The following SLC44A1 variants were observed in gnomAD, a reference collection of about 807,000 sequenced individuals.
The protein encoded by SLC44A1 is choline transporter-like protein 1.
In SLC44A1, 26 loss-of-function variants were observed where a neutral mutation model predicts 79.3. That is an observed-to-expected ratio of 0.33 (90% CI 0.24 to 0.46). The LOEUF is 0.46. SLC44A1 is among the 20% of genes least tolerant of loss of function. The pLI is 1.00. For synonymous variants in SLC44A1, 263 were observed against 286.2 expected, an observed-to-expected ratio of 0.92 and a Z score of 0.82; for missense variants, 688 against 798.1, an observed-to-expected ratio of 0.86 and a Z score of 1.66.
In SLC44A1 at chr9:105,365,596, C is replaced by G; in HGVS notation, c.1367C>G (p.Pro456Arg). The G allele has an allele frequency of 2.5e-6, 4 of 1,613,568 alleles. No homozygotes were observed. The highest frequency in any genetic ancestry group is 3.4e-6 in the Non-Finnish European group (4 of 1,179,608). The change falls in exon 11 of 16, where the codon CCG becomes CGG. Residue 456 changes from proline (P) to arginine (R), a missense_variant. By Grantham distance (103) the Pro-to-Arg change is moderately radical. Transcript: ENST00000374720. ...GSFIITLVKI[P>R]RMILMYIHSQ... ...TTCATTATCACATTAGTCAAAATTC[C>G]GCGAATGATCCTTATGTATATTCAC...
At position 105,281,937 on chromosome 9, in the gene SLC44A1, A is replaced by G. The variant is rs141358423; in HGVS notation, c.37-17283A>G. On this transcript the variant is annotated intron_variant, in intron 1 of 15. Coordinates refer to ENST00000374720, the MANE Select transcript of SLC44A1 (RefSeq NM_080546.5). ...GGCAGTACAGAAAGAACCAATTGACATGGAGTGGGATGGGGTACAGAGACT... is the reference window on the plus strand; with the variant it reads ...GGCAGTACAGAAAGAACCAATTGACGTGGAGTGGGATGGGGTACAGAGACT... Among the ~76,000 whole-genome samples, 817 of 152,338 alleles carry G rather than the reference A, an allele frequency of 5.4e-3. 5 individuals carry two copies. Among genetic ancestry groups the G allele is most frequent in the African/African-American group, 0.019 (791 of 41,582 alleles).
intron 15 of SLC44A1, among the ~76,000 whole-genome samples, chr9:105,426,062 G>A (rs1187069303): frequency 6.6e-6 from 1 of 152,204 alleles, no homozygotes; most frequent in Non-Finnish European, 1.5e-5. Flanking sequence ...GGGCTCTGAT[G>A]TAAGATGAAA....
chr9:105,317,000 G>A (rs777169114), intron 3 of SLC44A1, among the ~76,000 whole-genome samples: 115 of 152,256 alleles, frequency 7.6e-4, no homozygotes, highest in Middle Eastern at 3.4e-3. Flanking sequence ...GTGTTGACAG[G>A]GCTGTGATTT....
chr9:105,414,291 G>C (rs896665613), intron 15 of SLC44A1, among the ~76,000 whole-genome samples: 1 of 152,010 alleles, frequency 6.6e-6, no homozygotes, highest in Non-Finnish European at 1.5e-5. Flanking sequence ...TCCTGATCTC[G>C]TGATCCGCCC....
chr9:105,388,143 A>G (rs1828678950), intron 15 of SLC44A1, among the ~76,000 whole-genome samples: 1 of 152,186 alleles, frequency 6.6e-6, no homozygotes, highest in South Asian at 2.1e-4. Flanking sequence ...AAATGGTTAA[A>G]AAGTTCCCAG....
In SLC44A1 at chr9:105,414,126, G is replaced by C. The variant is rs138859769; in HGVS notation, c.1951-24155G>C. 9.4e-3 allele frequency among the ~76,000 whole-genome samples: 1,414 copies of C among 150,878 alleles called. 8 individuals are homozygous for C. The highest frequency in any genetic ancestry group is 0.016 in the Admixed American group (250 of 15,196). ...CGCCCAGGCTGGAGTGCAGTGGCAC[G>C]ATCTTGGCTCACTGCAACCTCTGCC... On this transcript the variant is annotated intron_variant, in intron 15 of 15. Coordinates refer to the SLC44A1 transcript ENST00000374724.
chr9:105,403,579 G>A (rs1828985608), intron 15 of SLC44A1, among the ~76,000 whole-genome samples: 1 of 150,364 alleles, frequency 6.7e-6, no homozygotes, highest in Non-Finnish European at 1.5e-5. Flanking sequence ...AAGAGACCCA[G>A]CCTCTGCTCT....
At chr9:105,326,613 C>G (rs1026727602) in intron 3 of SLC44A1, among the ~76,000 whole-genome samples, 2 of 152,136 alleles carry the variant, frequency 1.3e-5, no homozygotes, top group Admixed American at 6.5e-5. Context: ...TCTTACGAGG[C>G]CTTTGACAAT....
intron 4 of SLC44A1, among the ~76,000 whole-genome samples, chr9:105,338,806 T>A (rs769498880): frequency 6.6e-6 from 1 of 152,240 alleles, no homozygotes; most frequent in Non-Finnish European, 1.5e-5. Flanking sequence ...TGTTACAGCA[T>A]ATTTCTGTTA....
intron 6 of SLC44A1, 57 bp from the exon 7 acceptor site, chr9:105,358,286 AT>A: frequency 1.0e-6 from 1 of 993,000 alleles, no homozygotes. Flanking sequence ...AAGCGTTTTT[AT>A]TTGTATTTAC....
chr9:105,326,237 A>G (rs1826572345), intron 3 of SLC44A1, among the ~76,000 whole-genome samples: 1 of 151,974 alleles, frequency 6.6e-6, no homozygotes, highest in Admixed American at 6.6e-5. Flanking sequence ...CATCTGGCTA[A>G]TTTTTGTATT....
Position 105,413,017 on chromosome 9 carries a change from G to A in SLC44A1, c.1951-25264G>A, listed in dbSNP as rs369812769. ...CTGGGAAAAGAGACATCTTGGGGTAGAGAAAGGGAAAAGCAATGATTACTA... is the reference window on the plus strand; with the variant it reads ...CTGGGAAAAGAGACATCTTGGGGTAAAGAAAGGGAAAAGCAATGATTACTA... On this transcript the variant is annotated intron_variant, in intron 15 of 15. Transcript: ENST00000374724. 7.9e-5 allele frequency among the ~76,000 whole-genome samples: 12 copies of A among 152,310 alleles called. No individual in the cohort carries two copies. The East Asian group carries it at 2.1e-3, about 27-fold the overall frequency.
intron 1 of SLC44A1, among the ~76,000 whole-genome samples, chr9:105,291,450 G>A (rs1830600291): frequency 6.6e-6 from 1 of 152,216 alleles, no homozygotes; most frequent in African/African-American, 2.4e-5. Context: ...AGTGGCTTTT[G>A]AGGTGTGTCA....
intron 15 of SLC44A1, chr9:105,386,261 T>C (rs1828623573): frequency 9.2e-6 from 9 of 975,076 alleles, no homozygotes; most frequent in Non-Finnish European, 1.1e-5. Flanking sequence ...ATTGTCACTA[T>C]AGCATAGAAA....
chr9:105,266,408 C>G (rs552343866), intron 1 of SLC44A1, among the ~76,000 whole-genome samples: 1 of 152,124 alleles, frequency 6.6e-6, no homozygotes, highest in Non-Finnish European at 1.5e-5. Context: ...AATATTTTCT[C>G]CTATGTTTTA....
chr9:105,355,634 G>C (rs1225008819), intron 5 of SLC44A1, among the ~76,000 whole-genome samples: 1 of 152,088 alleles, frequency 6.6e-6, no homozygotes, highest in East Asian at 1.9e-4. Flanking sequence ...CTATTATGCT[G>C]TTTGTTGATG....
intron 3 of SLC44A1, among the ~76,000 whole-genome samples, chr9:105,332,732 T>A (rs987862267): frequency 6.6e-6 from 1 of 152,118 alleles, no homozygotes; most frequent in Non-Finnish European, 1.5e-5. Flanking sequence ...TTTTCCTAAA[T>A]GAAAACCGAA....
At chr9:105,402,800 A>G (rs1828974833) in intron 15 of SLC44A1, among the ~76,000 whole-genome samples, 1 of 152,000 alleles carries the variant, frequency 6.6e-6, no homozygotes, top group South Asian at 2.1e-4. Flanking sequence ...TTATATATTT[A>G]TGCTGCTTTT....
chr9:105,290,107 C>T (rs547127893), intron 1 of SLC44A1, among the ~76,000 whole-genome samples: 1 of 152,282 alleles, frequency 6.6e-6, no homozygotes, highest in South Asian at 2.1e-4. Context: ...TGAGCCACCG[C>T]ACCTGGCCTG....
Sources: gnomAD v4.1 joint callset for allele counts (sites outside exome capture counted in the v4.1 genomes callset) on GRCh38, gnomAD v4.1.1 for gene constraint, MANE v1.5 for transcripts, NCBI Gene and HGNC (gene_info 2026-07-23, HGNC 2026-07-21) for gene names.